The following DHRSX variants were observed in gnomAD, a reference collection of about 807,000 sequenced individuals.
The protein encoded by DHRSX is dehydrogenase/reductase X-linked, also known as polyprenol dehydrogenase.
Under a neutral mutation model 34.0 loss-of-function variants are expected in DHRSX, and 31 were observed. That is an observed-to-expected ratio of 0.91 (90% CI 0.69 to 1.23). The LOEUF (loss-of-function observed/expected upper bound fraction) is 1.23, where lower values mean the gene tolerates loss of function less well. DHRSX is among the 50% of genes most tolerant of loss of function. DHRSX has a pLI of 0.00. For synonymous variants in DHRSX, 201 were observed against 183.8 expected, an observed-to-expected ratio of 1.09 and a Z score of -0.76; for missense variants, 414 against 428.1, an observed-to-expected ratio of 0.97 and a Z score of 0.29.
intron 5 of DHRSX, among the ~76,000 whole-genome samples, chrX:2,246,744 GAA>G (rs1376011281): frequency 6.5e-5 from 7 of 108,122 alleles, no homozygotes; most frequent in African/African-American, 1.1e-4. Flanking sequence ...AAGAAAGAAA[GAA>G]AGAAAAAGAA....
At chrX:2,410,208 C>T (rs2043608239) in intron 2 of DHRSX, among the ~76,000 whole-genome samples, 1 of 152,170 alleles carries the variant, frequency 6.6e-6, no homozygotes, top group Non-Finnish European at 1.5e-5. Context: ...TCAGCCTCAT[C>T]CTTCATTAAC....
At chrX:2,389,055 T>C (rs763454169) in intron 3 of DHRSX, among the ~76,000 whole-genome samples, 7 of 152,304 alleles carry the variant, frequency 4.6e-5, no homozygotes, top group African/African-American at 1.7e-4. Flanking sequence ...TTAAACCACC[T>C]GGTCTGTGGA....
intron 3 of DHRSX, among the ~76,000 whole-genome samples, chrX:2,386,996 A>G (rs1282103988): frequency 6.6e-6 from 1 of 151,370 alleles, no homozygotes; most frequent in Non-Finnish European, 1.5e-5. Context: ...AGGCCCAGTC[A>G]TCATTTGCTT....
chrX:2,290,720 T>C (rs2041855630), intron 4 of DHRSX, among the ~76,000 whole-genome samples: 1 of 152,260 alleles, frequency 6.6e-6, no homozygotes, highest in African/African-American at 2.4e-5. Context: ...CGTTAAATTC[T>C]ACTAGCACAC....
chrX:2,314,447 GGAGAAGGGAGGA>G (rs1569487283), intron 3 of DHRSX, among the ~76,000 whole-genome samples: 11 of 111,630 alleles, frequency 9.9e-5, no homozygotes, highest in African/African-American at 5.5e-4. Context: ...GGAAGGAAGG[GGAGAAGGGAGGA>G]AGGAAGGGGA....
intron 1 of DHRSX, among the ~76,000 whole-genome samples, chrX:2,497,126 G>A (rs1450055569): frequency 1.3e-5 from 2 of 152,020 alleles, no homozygotes; most frequent in Non-Finnish European, 2.9e-5. Flanking sequence ...CCGGGGGCAG[G>A]GGCTCACCCC....
At chrX:2,236,620 C>T (rs758299582) in intron 6 of DHRSX, among the ~76,000 whole-genome samples, 12 of 152,000 alleles carry the variant, frequency 7.9e-5, no homozygotes, top group African/African-American at 2.2e-4. Context: ...TTAGTAGAGA[C>T]GGGGTTTCAC....
At chrX:2,276,032 C>T (rs1432579190) in intron 4 of DHRSX, among the ~76,000 whole-genome samples, 6 of 152,046 alleles carry the variant, frequency 3.9e-5, no homozygotes, top group South Asian at 4.2e-4. Flanking sequence ...TTAGTAGAGA[C>T]GGGATTTCAC....
At chrX:2,370,469 C>G (rs1215031945) in intron 3 of DHRSX, among the ~76,000 whole-genome samples, 1 of 151,956 alleles carries the variant, frequency 6.6e-6, no homozygotes, top group Non-Finnish European at 1.5e-5. Context: ...CCGCGCCCAG[C>G]TGAGGGCTTT....
chrX:2,327,035 A>G (rs1377968241), intron 3 of DHRSX, among the ~76,000 whole-genome samples: 1 of 151,468 alleles, frequency 6.6e-6, no homozygotes, highest in Non-Finnish European at 1.5e-5. Context: ...CTGGTCTCGC[A>G]CTCCTGACCT....
intron 3 of DHRSX, among the ~76,000 whole-genome samples, chrX:2,387,432 C>G (rs948898390): frequency 6.6e-6 from 1 of 152,126 alleles, no homozygotes; most frequent in Non-Finnish European, 1.5e-5. Flanking sequence ...GGCTGAGGGG[C>G]AAGGAAGCCA....
intron 6 of DHRSX, among the ~76,000 whole-genome samples, chrX:2,232,379 A>C (rs2015915362): frequency 6.6e-6 from 1 of 152,064 alleles, no homozygotes; most frequent in African/African-American, 2.4e-5. Flanking sequence ...ATTCATATAG[A>C]GCATTCATAT....
chrX:2,483,484 G>T (rs1302650212), intron 1 of DHRSX, among the ~76,000 whole-genome samples: 2 of 152,050 alleles, frequency 1.3e-5, no homozygotes, highest in Non-Finnish European at 2.9e-5. Flanking sequence ...GCCCAGGCTG[G>T]TCTCAAACTC....
chrX:2,295,342 G>C (rs770926628), intron 3 of DHRSX, among the ~76,000 whole-genome samples: 1 of 152,186 alleles, frequency 6.6e-6, no homozygotes, highest in African/African-American at 2.4e-5. Context: ...ACCAAACACT[G>C]CATGTTCTCA....
intron 1 of DHRSX, among the ~76,000 whole-genome samples, chrX:2,431,831 G>C (rs1469546859): frequency 2.0e-5 from 3 of 152,116 alleles, no homozygotes; most frequent in Non-Finnish European, 4.4e-5. Flanking sequence ...CGGGATCCTT[G>C]TGCTCCAAAC....
At chrX:2,287,743 G>A (rs1311728881) in intron 4 of DHRSX, among the ~76,000 whole-genome samples, 2 of 151,622 alleles carry the variant, frequency 1.3e-5, no homozygotes, top group Non-Finnish European at 2.9e-5. Context: ...CCCCAAAGAT[G>A]TTCACATTCT....
chrX:2,330,481 AC>A (rs1263547081), intron 3 of DHRSX, among the ~76,000 whole-genome samples: 2 of 147,826 alleles, frequency 1.4e-5, no homozygotes, highest in African/African-American at 5.0e-5. Flanking sequence ...AGATCGCGCC[AC>A]GGCACTCCAG....
At chrX:2,313,680 G>A (rs2042191332) in intron 3 of DHRSX, among the ~76,000 whole-genome samples, 1 of 152,050 alleles carries the variant, frequency 6.6e-6, no homozygotes, top group Non-Finnish European at 1.5e-5. Flanking sequence ...ATTTATAATT[G>A]TTGATGAAAA....
chrX:2,358,561 T>C (rs1257619269), intron 3 of DHRSX, among the ~76,000 whole-genome samples: 1 of 152,042 alleles, frequency 6.6e-6, no homozygotes, highest in East Asian at 1.9e-4. Flanking sequence ...TAGCCAGGCA[T>C]GGTGGCGGGG....
Sources: allele counts gnomAD v4.1 joint callset (sites outside exome capture counted in the v4.1 genomes callset), GRCh38; gene constraint gnomAD v4.1.1; transcripts MANE v1.5; gene names NCBI Gene and HGNC (gene_info 2026-07-23, HGNC 2026-07-21).